Variants in OR3A2 observed in about 807,000 individuals in gnomAD.
OR3A2 encodes the protein olfactory receptor 3A2.
For synonymous variants in OR3A2, 126 were observed against 159.3 expected (o/e 0.79, Z 1.57); for missense variants, 318 against 392.8 (o/e 0.81, Z 1.61).
At chr17:3,341,298 C>T (rs1380753850) in intron 2 of OR3A2, among the ~76,000 whole-genome samples, 1 of 152,110 alleles carries the variant, frequency 6.6e-6, no homozygotes, top group East Asian at 1.9e-4. Context: ...GAATTTGATT[C>T]TGTCATTATG....
chr17:3,373,222 C>T (rs1379443916), intron 2 of OR3A2, among the ~76,000 whole-genome samples: 1 of 152,072 alleles, frequency 6.6e-6, no homozygotes, highest in Non-Finnish European at 1.5e-5. Flanking sequence ...ATCATGTGGT[C>T]GATCTTGGAG....
intron 2 of OR3A2, among the ~76,000 whole-genome samples, chr17:3,349,301 G>C (rs181052997): frequency 4.6e-5 from 7 of 152,092 alleles, no homozygotes; most frequent in African/African-American, 1.7e-4. Flanking sequence ...CACGGGCAGA[G>C]ACACACATAG....
chr17:3,313,110 G>C (rs1352233311), intron 3 of OR3A2, among the ~76,000 whole-genome samples: 1 of 152,164 alleles, frequency 6.6e-6, no homozygotes, highest in East Asian at 1.9e-4. Context: ...TGAAATTACG[G>C]CAATCCAGAG....
intron 3 of OR3A2, among the ~76,000 whole-genome samples, chr17:3,297,739 T>G (rs73977643): frequency 0.015 from 2,213 of 148,014 alleles, 126 homozygotes; most frequent in African/African-American, 0.055. Context: ...ATTTCTGAAA[T>G]AAATAAATAA....
chr17:3,362,072 A>T (rs1386124120), intron 2 of OR3A2, among the ~76,000 whole-genome samples: 2 of 151,442 alleles, frequency 1.3e-5, no homozygotes, highest in Admixed American at 6.6e-5. Context: ...GGTAGGCTAT[A>T]AATTATTGCC....
intron 3 of OR3A2, among the ~76,000 whole-genome samples, chr17:3,293,584 T>C (rs772423278): frequency 6.6e-6 from 1 of 152,012 alleles, no homozygotes; most frequent in African/African-American, 2.4e-5. Flanking sequence ...TAAACAAGGA[T>C]TCTACAAGAA....
At chr17:3,306,554 G>T (rs1433070660) in intron 3 of OR3A2, among the ~76,000 whole-genome samples, 4 of 151,858 alleles carry the variant, frequency 2.6e-5, no homozygotes, top group Admixed American at 6.6e-5. Context: ...GAGTGTTTGT[G>T]GGGGGTGGGG....
At chr17:3,318,950 G>A (rs955022146) in intron 3 of OR3A2, among the ~76,000 whole-genome samples, 6 of 144,376 alleles carry the variant, frequency 4.2e-5, no homozygotes, top group Non-Finnish European at 7.4e-5. Context: ...GTTTTACTTT[G>A]CATTTTTTTT....
At chr17:3,342,710 G>A (rs1445853105) in intron 2 of OR3A2, among the ~76,000 whole-genome samples, 1 of 152,332 alleles carries the variant, frequency 6.6e-6, no homozygotes, top group African/African-American at 2.4e-5. Context: ...ACTGGGAGGT[G>A]TCTCCAAGTT....
chr17:3,292,380 T>C (rs2048883248), intron 3 of OR3A2: 1 of 1,613,692 alleles, frequency 6.2e-7, no homozygotes, highest in African/African-American at 1.3e-5. Context: ...CACTGATAGG[T>C]TCCCCAGGAA....
At chr17:3,364,240 T>C (rs916948332) in intron 2 of OR3A2, among the ~76,000 whole-genome samples, 1 of 152,218 alleles carries the variant, frequency 6.6e-6, no homozygotes, top group African/African-American at 2.4e-5. Flanking sequence ...TGACAGATAA[T>C]AATTCTATTT....
chr17:3,279,380 G>A (rs2048764002), intron 1 of OR3A2, among the ~76,000 whole-genome samples: 1 of 152,128 alleles, frequency 6.6e-6, no homozygotes, highest in Non-Finnish European at 1.5e-5. Flanking sequence ...AAACATACAA[G>A]GCTTCCTCTA....
At chr17:3,310,678 A>G in intron 3 of OR3A2, 1 of 543,984 alleles carries the variant, frequency 1.8e-6, no homozygotes. Context: ...ATCATGGCCT[A>G]TGACCGCTAT....
At chr17:3,292,355 G>C in intron 3 of OR3A2, 1 of 1,614,136 alleles carries the variant, frequency 6.2e-7, no homozygotes, top group Non-Finnish European at 8.5e-7. Context: ...TGACGCTGAT[G>C]CACCCAACAT....
chr17:3,309,798 G>A (rs2150630102), intron 3 of OR3A2, among the ~76,000 whole-genome samples: 1 of 152,090 alleles, frequency 6.6e-6, no homozygotes, highest in South Asian at 2.1e-4. Flanking sequence ...TCTTTTAATA[G>A]TCTGGGCCAC....
intron 1 of OR3A2, among the ~76,000 whole-genome samples, chr17:3,284,114 C>T (rs1341965322): frequency 1.3e-5 from 2 of 149,090 alleles, no homozygotes; most frequent in African/African-American, 5.0e-5. Context: ...TGGGTGCGGG[C>T]AGTGAACTGG....
rs373666935 is a variant in OR3A2, at chr17:3,290,033, A to G, written c.-84-10880T>C. Among the ~76,000 whole-genome samples, 103 of 152,188 alleles carry G rather than the reference A, an allele frequency of 6.8e-4. No homozygotes were observed. The South Asian group carries it at 0.021, about 31-fold the overall frequency. ...GCACTCTTTTCTTCTGTGTTTTCTC[A>G]TCTAGTAAACCTTCTTCCTGACATC... On this transcript the variant is annotated intron_variant, in intron 3 of 4. Transcript: ENST00000573491.
chr17:3,302,077 C>T (rs2048970262), intron 3 of OR3A2, among the ~76,000 whole-genome samples: 1 of 152,070 alleles, frequency 6.6e-6, no homozygotes, highest in South Asian at 2.1e-4. Flanking sequence ...CAAACCACTG[C>T]TCAACGAAAT....
At chr17:3,277,937 G>T in exon 2 of OR3A2, 1 of 1,552,208 alleles carries the variant, frequency 6.4e-7, no homozygotes, top group Non-Finnish European at 8.7e-7. Context: ...CCTCAGTCCA[G>T]AAAAGGCAGG....
Sources: gnomAD v4.1 joint callset for allele counts (sites outside exome capture counted in the v4.1 genomes callset) on GRCh38, gnomAD v4.1.1 for gene constraint, MANE v1.5 for transcripts, NCBI Gene and HGNC (gene_info 2026-07-23, HGNC 2026-07-21) for gene names.